ZNF236: variants seen among roughly 807,000 people sequenced by gnomAD.
ZNF236 encodes zinc finger protein 236.
A neutral mutation model predicts 191.2 loss-of-function variants in ZNF236; 50 were observed. That is an observed-to-expected ratio of 0.26 (90% CI 0.21 to 0.33). ZNF236 has a LOEUF of 0.33. Among genes scored for constraint, ZNF236 ranks in the 10% least tolerant of loss-of-function variants. ZNF236 has a pLI of 1.00. For synonymous variants in ZNF236, 907 were observed against 928.8 expected (o/e 0.98, Z 0.43); for missense variants, 1,754 against 2,374.5 (o/e 0.74, Z 5.43).
intron 15 of ZNF236, 147 bp from the exon 16 acceptor site, chr18:76,910,513 A>T: frequency 2.5e-6 from 2 of 805,496 alleles, no homozygotes; most frequent in Non-Finnish European, 3.8e-6. Context: ...AAACAGTGTT[A>T]AAGCTTGCTA....
At chr18:76,860,462 C>T (rs1461353393) in intron 3 of ZNF236, among the ~76,000 whole-genome samples, 3 of 152,168 alleles carry the variant, frequency 2.0e-5, no homozygotes, top group Non-Finnish European at 2.9e-5. Context: ...AGTATTTATA[C>T]CTTATTTTGA....
In ZNF236 at chr18:76,919,666, T is replaced by C; in HGVS notation, c.3275-110T>C. On this transcript the variant is annotated intron_variant, in intron 19 of 30. Transcript: ENST00000320610. This position sits in a 1 kb window ranked among gnomAD's most constrained non-coding sequence, Gnocchi z 5.3. ...CTCTACCATCATAAAAATAGCTTGG[T>C]TGAGTTATTAATTTTCATTACATAC... The C allele has an allele frequency of 7.7e-7, 1 of 1,296,688 alleles. No homozygotes were observed. Among genetic ancestry groups the C allele is most frequent in the Non-Finnish European group, 1.1e-6 (1 of 936,108 alleles). The allele number at this position is 1,296,688 out of a possible 1,614,324, so 80.3% of individuals were successfully genotyped here.
intron 13 of ZNF236, among the ~76,000 whole-genome samples, chr18:76,908,097 C>T (rs1967108360): frequency 1.3e-5 from 2 of 152,164 alleles, no homozygotes. Context: ...CCGTTCGTGC[C>T]TTGTGTCTTG....
chr18:76,926,607 ATG>A (rs1967685687), intron 22 of ZNF236, among the ~76,000 whole-genome samples: 1 of 151,184 alleles, frequency 6.6e-6, no homozygotes, highest in African/African-American at 2.4e-5. Context: ...GTGTGTATAT[ATG>A]GTATAAAGGG....
intron 28 of ZNF236, among the ~76,000 whole-genome samples, chr18:76,958,244 A>T (rs753801508): frequency 6.6e-6 from 1 of 152,364 alleles, no homozygotes; most frequent in East Asian, 1.9e-4. Context: ...TTCTTGAGGA[A>T]CATTTGCCAT....
chr18:76,923,277 A>G, intron 21 of ZNF236, 103 bp downstream of exon 21: 1 of 748,610 alleles, frequency 1.3e-6, no homozygotes, highest in Non-Finnish European at 2.1e-6. Flanking sequence ...CAAATTATAG[A>G]ACGCTTAAAA....
intron 3 of ZNF236, among the ~76,000 whole-genome samples, chr18:76,857,749 A>G (rs1976087014): frequency 6.6e-6 from 1 of 152,136 alleles, no homozygotes; most frequent in African/African-American, 2.4e-5. Flanking sequence ...CTTTGTAATG[A>G]GAAGCAAATG....
In ZNF236 at chr18:76,960,999, CTTTAT is replaced by C. The variant is rs1968653753; in HGVS notation, c.5419+153_5419+157del. 11 of 950,196 alleles carry C rather than the reference CTTTAT, an allele frequency of 1.2e-5. No homozygotes were observed. Among genetic ancestry groups the C allele is most frequent in the African/African-American group, 1.7e-5 (1 of 60,270 alleles). The allele number at this position is 950,196 out of a possible 1,614,324, so 58.9% of individuals were successfully genotyped here. A position where few individuals can be genotyped will look rare whatever the true frequency, so the allele number is the denominator to read the frequency against. On this transcript the variant is annotated intron_variant, in intron 30 of 30. Transcript: ENST00000320610. This position sits in a 1 kb window ranked among gnomAD's most constrained non-coding sequence, Gnocchi z 4.4. ...CAGTTGTGTGGACTGGAAGCTTGTGCTTTATTTTATTTTTTGATTTCCATAGGTTA... is the reference window on the plus strand; with the variant it reads ...CAGTTGTGTGGACTGGAAGCTTGTGCTTTATTTTTTGATTTCCATAGGTTA...
In ZNF236 at chr18:76,971,629, A is replaced by C. The variant is rs1968909683; in HGVS notation, c.*3290A>C. 6.6e-6 allele frequency among the ~76,000 whole-genome samples: 1 copy of C among 152,364 alleles called. No individual in the cohort carries two copies. Among genetic ancestry groups the C allele is most frequent in the South Asian group, 2.1e-4 (1 of 4,834 alleles). ...ACGCATGTGTTAGCACAGCTACACAATTTTTAGAAGTAGAAGTGGATTTCT... is the reference window on the plus strand; with the variant it reads ...ACGCATGTGTTAGCACAGCTACACACTTTTTAGAAGTAGAAGTGGATTTCT... On this transcript the variant is annotated 3_prime_UTR_variant, in exon 31 of 31. Transcript: ENST00000320610.
At chr18:76,901,471 C>T (rs1165805504) in intron 11 of ZNF236, among the ~76,000 whole-genome samples, 1 of 152,102 alleles carries the variant, frequency 6.6e-6, no homozygotes, top group Non-Finnish European at 1.5e-5. Context: ...TCCAAAACAC[C>T]AGTCTGGTTG....
chr18:76,865,394 G>A (rs973288531), intron 3 of ZNF236, among the ~76,000 whole-genome samples: 4 of 152,088 alleles, frequency 2.6e-5, no homozygotes, highest in African/African-American at 9.7e-5. Context: ...ACAATACATT[G>A]TCTCCAAGAA....
Position 76,925,135 on chromosome 18 carries a change from G to A in ZNF236, c.3662-54G>A. ...ATAGTGACAGCTGAGTGGGGTGGGG[G>A]TGAGTGTCGCGACTGCCATCGCCTC... is the stretch of plus-strand genomic sequence containing the variant. On this transcript the variant is annotated intron_variant, in intron 21 of 30. Transcript: ENST00000320610. The surrounding 1 kb of genome is among the most constrained non-coding windows in gnomAD (Gnocchi z 5.7). The A allele has an allele frequency of 1.3e-6, 2 of 1,578,968 alleles. No homozygotes were observed. Among genetic ancestry groups the A allele is most frequent in the Non-Finnish European group, 1.7e-6 (2 of 1,161,780 alleles).
intron 30 of ZNF236, among the ~76,000 whole-genome samples, chr18:76,966,439 C>T (rs1968779210): frequency 6.6e-6 from 1 of 152,142 alleles, no homozygotes; most frequent in African/African-American, 2.4e-5. Context: ...AATGGCAGCC[C>T]AGAACCTGAG....
chr18:76,824,298 C>T (rs745817310), intron 1 of ZNF236: 13 of 780,858 alleles, frequency 1.7e-5, no homozygotes, highest in Non-Finnish European at 2.4e-5. Context: ...AGTTAACACA[C>T]GTGCACATTA....
intron 1 of ZNF236, among the ~76,000 whole-genome samples, chr18:76,828,188 A>G (rs1199149007): frequency 1.3e-5 from 2 of 149,024 alleles, no homozygotes. Flanking sequence ...TTTTTTTGAG[A>G]CAAGGTCTCG....
intron 10 of ZNF236, 188 bp downstream of exon 10, chr18:76,895,473 C>T (rs1977376508): frequency 3.8e-6 from 3 of 792,644 alleles, no homozygotes; most frequent in Non-Finnish European, 5.9e-6. Flanking sequence ...AATGCAGCAC[C>T]CACACCGGTA....
In ZNF236 at chr18:76,969,773, T is replaced by G. The variant is rs1343379298; in HGVS notation, c.*1434T>G. The G allele has an allele frequency of 6.6e-6, 1 of 152,662 alleles. No homozygotes were observed. Among genetic ancestry groups the G allele is most frequent in the Admixed American group, 6.5e-5 (1 of 15,282 alleles). The allele number at this position is 152,662 out of a possible 1,614,324, so 9.5% of individuals were successfully genotyped here. ...AAGAAATAGACATTTTACTGTTATT[T>G]TGAAAGGGCATCTTTTGATTTTTTT... On this transcript the variant is annotated 3_prime_UTR_variant, in exon 31 of 31. Coordinates refer to ENST00000320610, the MANE Select transcript of ZNF236 (RefSeq NM_001306089.2).
intron 30 of ZNF236, among the ~76,000 whole-genome samples, chr18:76,964,160 T>G (rs1457652707): frequency 6.6e-6 from 1 of 152,210 alleles, no homozygotes; most frequent in Non-Finnish European, 1.5e-5. Flanking sequence ...CCTTAGATTG[T>G]CTGTGTGTGC....
intron 25 of ZNF236, among the ~76,000 whole-genome samples, chr18:76,930,088 AG>A (rs1180911733): frequency 3.3e-5 from 5 of 152,252 alleles, no homozygotes; most frequent in Non-Finnish European, 7.3e-5. Flanking sequence ...ATTAATAAAA[AG>A]GTATATAAAA....
Sources: allele counts gnomAD v4.1 joint callset (sites outside exome capture counted in the v4.1 genomes callset), GRCh38; gene constraint gnomAD v4.1.1; non-coding constraint Gnocchi (gnomAD v3.1); transcripts MANE v1.5; gene names NCBI Gene and HGNC (gene_info 2026-07-23, HGNC 2026-07-21).